The following XPR1 variants were observed in gnomAD, a reference collection of about 807,000 sequenced individuals.
XPR1 encodes xenotropic and polytropic retrovirus receptor 1, also known as solute carrier family 53 member 1.
XPR1 carries 28 observed loss-of-function variants against 87.5 expected under a neutral mutation model. The observed-to-expected ratio is 0.32, with a 90% CI of 0.24 to 0.44. The LOEUF (loss-of-function observed/expected upper bound fraction) is 0.44, where lower values mean the gene tolerates loss of function less well. XPR1 is among the 20% of genes least tolerant of loss of function. The probability of loss-of-function intolerance (pLI) is 1.00; values close to 1 mark genes in which losing one functional copy is unlikely to be tolerated. For missense variants in XPR1, 559 were observed against 862.3 expected (o/e 0.65, Z 4.41); for synonymous variants, 300 against 306.1 (o/e 0.98, Z 0.21).
At chr1:180,664,760 A>G (rs1557946426) in intron 1 of XPR1, among the ~76,000 whole-genome samples, 2 of 152,126 alleles carry the variant, frequency 1.3e-5, no homozygotes, top group Non-Finnish European at 2.9e-5. Flanking sequence ...ATTCCCCGAC[A>G]TTTTTAGCAC....
At chr1:180,735,611 C>G (rs1353781251) in intron 2 of XPR1, among the ~76,000 whole-genome samples, 1 of 152,130 alleles carries the variant, frequency 6.6e-6, no homozygotes. Flanking sequence ...CTCTTGAACT[C>G]TATTAACTAT....
chr1:180,808,450 A>G (rs1650082425), intron 6 of XPR1, among the ~76,000 whole-genome samples: 1 of 152,148 alleles, frequency 6.6e-6, no homozygotes. Context: ...AATGACACCA[A>G]AAGCACCTCA....
intron 2 of XPR1, among the ~76,000 whole-genome samples, chr1:180,768,643 TAAGC>T (rs755680865): frequency 2.6e-5 from 4 of 152,176 alleles, no homozygotes; most frequent in Non-Finnish European, 5.9e-5. Context: ...GAGGAGCACA[TAAGC>T]ACCTGAAGAG....
intron 2 of XPR1, among the ~76,000 whole-genome samples, chr1:180,685,888 A>G (rs144304843): frequency 0.043 from 6,522 of 151,776 alleles, 490 homozygotes; most frequent in African/African-American, 0.15. Flanking sequence ...TTTCTTCTTT[A>G]TTAGTCTTAC....
intron 11 of XPR1, among the ~76,000 whole-genome samples, chr1:180,857,140 A>G (rs1033624108): frequency 5.9e-5 from 9 of 152,222 alleles, no homozygotes; most frequent in African/African-American, 1.9e-4. Flanking sequence ...TAGAAATTTT[A>G]TTATTACATA....
intron 7 of XPR1, among the ~76,000 whole-genome samples, chr1:180,816,239 T>G (rs1650405695): frequency 6.6e-6 from 1 of 152,188 alleles, no homozygotes; most frequent in South Asian, 2.1e-4. Context: ...TCATCAGGCA[T>G]TAGTTAGATT....
At chr1:180,848,759 A>G (rs73044549) in intron 11 of XPR1, among the ~76,000 whole-genome samples, 6,548 of 152,222 alleles carry the variant, frequency 0.043, 506 homozygotes, top group African/African-American at 0.15. Flanking sequence ...CTCCATAGTG[A>G]CTATACTAGT....
At chr1:180,883,908 G>T in intron 14 of XPR1, 98 bp from the exon 15 acceptor site, 1 of 1,079,914 alleles carries the variant, frequency 9.3e-7, no homozygotes, top group East Asian at 2.4e-5. Context: ...TAGGATGTAT[G>T]TTTAATGATG....
Position 180,885,023 on chromosome 1 carries a change from T to C in XPR1, c.*957T>C. 6.6e-6 allele frequency: 1 copy of C among 152,508 alleles called. No individual in the cohort carries two copies. Among genetic ancestry groups the C allele is most frequent in the East Asian group, 1.9e-4 (1 of 5,188 alleles). The allele number at this position is 152,508 out of a possible 1,614,324, so 9.4% of individuals were successfully genotyped here. On this transcript the variant is annotated 3_prime_UTR_variant, in exon 15 of 15. Coordinates refer to ENST00000367590, the MANE Select transcript of XPR1 (RefSeq NM_004736.4). ...AACTTTTTAAGGAACAGATGTGGAA[T>C]ACACTGGCCCATATTTCAACCTTAA...
intron 2 of XPR1, among the ~76,000 whole-genome samples, chr1:180,726,629 T>C (rs1281981171): frequency 2.0e-5 from 3 of 152,202 alleles, no homozygotes; most frequent in African/African-American, 7.2e-5. Flanking sequence ...TTTTTCACTC[T>C]CATTTTCTTA....
intron 1 of XPR1, among the ~76,000 whole-genome samples, chr1:180,669,146 A>G (rs1312181240): frequency 5.3e-5 from 8 of 151,946 alleles, no homozygotes; most frequent in African/African-American, 1.7e-4. Context: ...CAAATAATCT[A>G]TCCTGGAAAA....
Position 180,885,909 on chromosome 1 carries a change from A to T in XPR1, c.*1843A>T, listed in dbSNP as rs1185779195. On this transcript the variant is annotated 3_prime_UTR_variant, in exon 15 of 15. Transcript: ENST00000367590. ...ATTAACTGACAAATAGTTTCTTTTT[A>T]AAGTAGTTTCTTCCATCTTTATTCT... 1.3e-5 allele frequency: 2 copies of T among 152,182 alleles called. No individual in the cohort carries two copies. The highest frequency in any genetic ancestry group is 3.8e-4 in the East Asian group (2 of 5,202). The allele number at this position is 152,182 out of a possible 1,614,324, so 9.4% of individuals were successfully genotyped here.
chr1:180,747,773 C>T (rs547986748), intron 2 of XPR1, among the ~76,000 whole-genome samples: 6 of 152,208 alleles, frequency 3.9e-5, no homozygotes, highest in South Asian at 2.1e-4. Flanking sequence ...GCCATAAAAG[C>T]GAAGCAAGCC....
intron 11 of XPR1, among the ~76,000 whole-genome samples, chr1:180,860,607 CT>C (rs1652186493): frequency 6.6e-6 from 1 of 151,952 alleles, no homozygotes; most frequent in Admixed American, 6.6e-5. Flanking sequence ...ACTCAAAATG[CT>C]ATATACTAAG....
intron 2 of XPR1, among the ~76,000 whole-genome samples, chr1:180,776,147 A>C (rs1648707307): frequency 6.6e-6 from 1 of 152,098 alleles, no homozygotes; most frequent in Non-Finnish European, 1.5e-5. Flanking sequence ...GTTTTCACTG[A>C]AACTGAAAGA....
At chr1:180,727,072 T>A (rs1218317598) in intron 2 of XPR1, among the ~76,000 whole-genome samples, 1 of 151,944 alleles carries the variant, frequency 6.6e-6, no homozygotes, top group African/African-American at 2.4e-5. Context: ...AGACGGGGTT[T>A]CACCATGGTC....
intron 1 of XPR1, among the ~76,000 whole-genome samples, chr1:180,634,715 TG>T (rs1245734391): frequency 2.0e-5 from 3 of 152,150 alleles, no homozygotes; most frequent in African/African-American, 7.2e-5. Context: ...TCTAGTATCG[TG>T]AATCAATGTG....
intron 11 of XPR1, among the ~76,000 whole-genome samples, chr1:180,860,299 T>G (rs967179834): frequency 6.6e-6 from 1 of 152,116 alleles, no homozygotes; most frequent in South Asian, 2.1e-4. Context: ...TAAAACAGTT[T>G]GAAAGATTTT....
At chr1:180,785,887 A>G (rs1007671642) in intron 2 of XPR1, among the ~76,000 whole-genome samples, 1 of 151,570 alleles carries the variant, frequency 6.6e-6, no homozygotes, top group Non-Finnish European at 1.5e-5. Flanking sequence ...GCTAGATGTT[A>G]GTTATTATAA....
Sources: allele counts gnomAD v4.1 joint callset (sites outside exome capture counted in the v4.1 genomes callset), GRCh38; gene constraint gnomAD v4.1.1; transcripts MANE v1.5; gene names NCBI Gene and HGNC (gene_info 2026-07-23, HGNC 2026-07-21).